SAMTOR: variants seen among roughly 807,000 people sequenced by gnomAD.
SAMTOR encodes UPF0532 protein C7orf60.
At chr7:112,844,032 T>C in the SAMTOR span, among the ~76,000 whole-genome samples, 1 of 152,072 alleles carries the variant, frequency 6.6e-6, no homozygotes, top group Non-Finnish European at 1.5e-5. Context: ...AAAAACCACA[T>C]GATCATCTCA....
chr7:112,852,086 A>G, the SAMTOR span, among the ~76,000 whole-genome samples: 11 of 152,278 alleles, frequency 7.2e-5, no homozygotes, highest in African/African-American at 2.6e-4. Flanking sequence ...CTACCATTCA[A>G]TCTAGCAATC....
chr7:112,921,849 C>T, the SAMTOR span, among the ~76,000 whole-genome samples: 1 of 147,766 alleles, frequency 6.8e-6, no homozygotes, highest in East Asian at 2.0e-4. Context: ...TGCTCACCAT[C>T]ACTGGCCATC....
chr7:112,854,118 C>T, the SAMTOR span, among the ~76,000 whole-genome samples: 1 of 151,974 alleles, frequency 6.6e-6, no homozygotes, highest in Non-Finnish European at 1.5e-5. Context: ...TTCCTCTTGT[C>T]TCAGTCATTT....
At chr7:112,869,352 C>T in the SAMTOR span, among the ~76,000 whole-genome samples, 1 of 152,050 alleles carries the variant, frequency 6.6e-6, no homozygotes, top group Non-Finnish European at 1.5e-5. Flanking sequence ...TCGCCTCCTG[C>T]TGGCTCTTAC....
the SAMTOR span, among the ~76,000 whole-genome samples, chr7:112,843,413 T>C: frequency 6.6e-6 from 1 of 151,994 alleles, no homozygotes; most frequent in Non-Finnish European, 1.5e-5. Context: ...TTCTGATATA[T>C]ATAACTACAA....
chr7:112,901,044 G>A, the SAMTOR span, among the ~76,000 whole-genome samples: 170 of 152,244 alleles, frequency 1.1e-3, 1 homozygote, highest in Non-Finnish European at 1.3e-3. Flanking sequence ...TAAGCTGAAC[G>A]TCACTAAATT....
the SAMTOR span, among the ~76,000 whole-genome samples, chr7:112,913,145 C>A: frequency 6.6e-6 from 1 of 152,146 alleles, no homozygotes; most frequent in Non-Finnish European, 1.5e-5. Context: ...ACCATCTTCT[C>A]TCTAGAAATG....
At chr7:112,918,400 G>C in the SAMTOR span, among the ~76,000 whole-genome samples, 1 of 152,148 alleles carries the variant, frequency 6.6e-6, no homozygotes, top group Non-Finnish European at 1.5e-5. Context: ...CAAATGCTGA[G>C]AGATTTTGTC....
At chr7:112,843,415 T>C in the SAMTOR span, among the ~76,000 whole-genome samples, 1 of 151,998 alleles carries the variant, frequency 6.6e-6, no homozygotes, top group African/African-American at 2.4e-5. Context: ...CTGATATATA[T>C]AACTACAATA....
At chr7:112,827,740 G>A in the SAMTOR span, among the ~76,000 whole-genome samples, 1 of 151,844 alleles carries the variant, frequency 6.6e-6, no homozygotes, top group African/African-American at 2.4e-5. Context: ...TTTATTTATT[G>A]AGACAGGGTC....
chr7:112,912,820 T>C, the SAMTOR span, among the ~76,000 whole-genome samples: 2 of 151,854 alleles, frequency 1.3e-5, no homozygotes, highest in South Asian at 4.1e-4. Flanking sequence ...AAAACAAAAA[T>C]CCAAGGAAAA....
chr7:112,852,653 T>C, the SAMTOR span, among the ~76,000 whole-genome samples: 2 of 152,148 alleles, frequency 1.3e-5, no homozygotes, highest in African/African-American at 2.4e-5. Flanking sequence ...CAGAATAAAA[T>C]ATCACTCTCT....
chr7:112,828,053 G>T, the SAMTOR span, among the ~76,000 whole-genome samples: 3 of 152,152 alleles, frequency 2.0e-5, no homozygotes, highest in Non-Finnish European at 4.4e-5. Flanking sequence ...TGCATCCACA[G>T]ATGTGGAATC....
the SAMTOR span, among the ~76,000 whole-genome samples, chr7:112,882,620 C>T: frequency 2.0e-5 from 3 of 151,926 alleles, no homozygotes; most frequent in Non-Finnish European, 4.4e-5. Flanking sequence ...ATCAGGGAGT[C>T]GGAGGTTGCA....
At chr7:112,917,673 CA>C in the SAMTOR span, among the ~76,000 whole-genome samples, 1 of 152,088 alleles carries the variant, frequency 6.6e-6, no homozygotes, top group Non-Finnish European at 1.5e-5. Context: ...AAATTCAAAC[CA>C]AAGGCAAAGA....
the SAMTOR span, among the ~76,000 whole-genome samples, chr7:112,872,967 C>A: frequency 3.0e-4 from 45 of 150,136 alleles, no homozygotes; most frequent in Admixed American, 3.0e-3. Context: ...ACCCACACAC[C>A]CACACACACA....
At chr7:112,845,098 G>T in the SAMTOR span, among the ~76,000 whole-genome samples, 6 of 152,144 alleles carry the variant, frequency 3.9e-5, no homozygotes, top group Non-Finnish European at 5.9e-5. Context: ...ACTCAAGATG[G>T]ACTGAAGACT....
At chr7:112,842,849 A>G in the SAMTOR span, among the ~76,000 whole-genome samples, 1 of 152,000 alleles carries the variant, frequency 6.6e-6, no homozygotes, top group East Asian at 1.9e-4. Flanking sequence ...ATCTTAAGTG[A>G]TCTTAACTGA....
At chr7:112,822,406 C>T in the SAMTOR span, 1 of 1,533,030 alleles carries the variant, frequency 6.5e-7, no homozygotes, top group South Asian at 1.3e-5. Flanking sequence ...ATATTAAGAA[C>T]TTCAAGATTA....
Sources: gnomAD v4.1 joint callset for allele counts (sites outside exome capture counted in the v4.1 genomes callset) on GRCh38, gnomAD v4.1.1 for gene constraint, MANE v1.5 for transcripts, NCBI Gene and HGNC (gene_info 2026-07-23, HGNC 2026-07-21) for gene names.